The following SP6 variants were observed in gnomAD, a reference collection of about 807,000 sequenced individuals.
SP6 encodes transcription factor Sp6.
SP6 carries 10 observed loss-of-function variants against 23.4 expected under a neutral mutation model. The ratio of observed to expected loss-of-function variants is 0.43; its 90% CI spans 0.26 to 0.72. The LOEUF (loss-of-function observed/expected upper bound fraction) is 0.72, where lower values mean the gene tolerates loss of function less well. Ranked by LOEUF, SP6 falls within the 30% of genes least tolerant of loss-of-function variation. SP6 has a pLI of 0.23. For synonymous variants in SP6, 238 were observed against 238.7 expected, an observed-to-expected ratio of 1.00 and a Z score of 0.03; for missense variants, 482 against 523.8, an observed-to-expected ratio of 0.92 and a Z score of 0.78.
chr17:47,860,871 G>T (rs917310806), upstream of SP6, among the ~76,000 whole-genome samples: 2 of 152,170 alleles, frequency 1.3e-5, no homozygotes, highest in Non-Finnish European at 2.9e-5. Flanking sequence ...AGGAATCCAA[G>T]GTCAGGGGTG....
At chr17:47,852,844 T>C (rs1167909465), upstream of SP6, among the ~76,000 whole-genome samples, 1 of 152,172 alleles carries the variant, frequency 6.6e-6, no homozygotes, top group Non-Finnish European at 1.5e-5. Flanking sequence ...TAGGGTCTCC[T>C]GGGGGCTTAA....
At chr17:47,874,805 A>T in the SP6 span, among the ~76,000 whole-genome samples, 1 of 152,142 alleles carries the variant, frequency 6.6e-6, no homozygotes, top group Non-Finnish European at 1.5e-5. Context: ...CACAGGCTGC[A>T]TCTTTTCCAG....
At chr17:47,861,368 A>C in the SP6 span, among the ~76,000 whole-genome samples, 1 of 152,198 alleles carries the variant, frequency 6.6e-6, no homozygotes, top group Admixed American at 6.5e-5. Context: ...TGGTTCCAAG[A>C]GTCAGCTGAT....
upstream of SP6, among the ~76,000 whole-genome samples, chr17:47,860,504 G>C (rs142849225): frequency 1.1e-3 from 164 of 152,234 alleles, 1 homozygote; most frequent in African/African-American, 3.7e-3. Flanking sequence ...TGTTGCACTG[G>C]ATTGAATTTA....
At chr17:47,869,911 T>C in the SP6 span, among the ~76,000 whole-genome samples, 2 of 152,222 alleles carry the variant, frequency 1.3e-5, no homozygotes, top group Non-Finnish European at 2.9e-5. Context: ...ACATTTACAT[T>C]AAACATTTTT....
Position 47,848,030 on chromosome 17 carries a change from G to C in SP6, c.400C>G (p.His134Asp), listed in dbSNP as rs753837079. Residue 134 changes from histidine to aspartate, a missense_variant, in exon 2 of 2, where the codon CAC (histidine) becomes GAC (aspartate). Physicochemically the swap from His to Asp is moderately conservative, Grantham distance 81. Around this residue, in one of 3 missense-constraint regions of SP6, gnomAD observed 330 missense variants for 332.3 expected, o/e 0.99. Coordinates refer to ENST00000536300, the MANE Select transcript of SP6 (RefSeq NM_001258248.2). The surrounding 1 kb of genome is among the most constrained non-coding windows in gnomAD (Gnocchi z 5.3). ...GGTGAGGTCAGCGCGCCCTGAGTGTGGGGGAGGTCCATCCAGCTGGTGCCC... is the reference window on the plus strand; with the variant it reads ...GGTGAGGTCAGCGCGCCCTGAGTGTCGGGGAGGTCCATCCAGCTGGTGCCC... ...HPGTSWMDLP[H>D]TQGALTSPGH... The C allele has an allele frequency of 8.1e-6, 13 of 1,611,568 alleles. No homozygotes were observed. The Admixed American group carries it at 2.0e-4, about 25-fold the overall frequency.
At chr17:47,861,736 G>A in the SP6 span, among the ~76,000 whole-genome samples, 4 of 151,488 alleles carry the variant, frequency 2.6e-5, no homozygotes, top group East Asian at 2.0e-4. Context: ...GTGAGACTCC[G>A]TCTGGAAAAA....
the SP6 span, among the ~76,000 whole-genome samples, chr17:47,866,134 T>C: frequency 6.6e-6 from 1 of 152,066 alleles, no homozygotes; most frequent in Non-Finnish European, 1.5e-5. Context: ...GGGGGAAATA[T>C]AAAGGTTCCT....
upstream of SP6, among the ~76,000 whole-genome samples, chr17:47,856,809 C>A (rs1402688961): frequency 6.6e-6 from 1 of 151,860 alleles, no homozygotes; most frequent in Non-Finnish European, 1.5e-5. Flanking sequence ...AGCAGTTGTA[C>A]CCCCTCTACA....
the SP6 span, among the ~76,000 whole-genome samples, chr17:47,874,293 A>C: frequency 6.6e-6 from 1 of 151,898 alleles, no homozygotes; most frequent in Non-Finnish European, 1.5e-5. Flanking sequence ...GTTTCATTAT[A>C]TTGCCCAGGC....
At chr17:47,865,665 G>A in the SP6 span, among the ~76,000 whole-genome samples, 2 of 152,126 alleles carry the variant, frequency 1.3e-5, no homozygotes, top group African/African-American at 2.4e-5. Context: ...GGCCAGGATC[G>A]GAGGGTGCCT....
At chr17:47,861,980 G>A in the SP6 span, among the ~76,000 whole-genome samples, 6 of 151,372 alleles carry the variant, frequency 4.0e-5, no homozygotes, top group Non-Finnish European at 7.4e-5. Context: ...AGGAGGTCAA[G>A]GCTGCAGTGA....
chr17:47,858,976 C>T (rs2034017229), upstream of SP6, among the ~76,000 whole-genome samples: 1 of 151,894 alleles, frequency 6.6e-6, no homozygotes, highest in Non-Finnish European at 1.5e-5. Context: ...AGTTTCACCA[C>T]GTTGACCAGT....
chr17:47,876,199 A>C, the SP6 span, among the ~76,000 whole-genome samples: 1 of 152,188 alleles, frequency 6.6e-6, no homozygotes, highest in Admixed American at 6.5e-5. Flanking sequence ...GAAGACCTGG[A>C]GTGAAAAAAG....
upstream of SP6, among the ~76,000 whole-genome samples, chr17:47,855,407 C>T (rs893530482): frequency 8.5e-5 from 13 of 152,148 alleles, no homozygotes; most frequent in South Asian, 8.3e-4. Flanking sequence ...TCCTTTCTCT[C>T]GAAATAAAGT....
the SP6 span, among the ~76,000 whole-genome samples, chr17:47,869,640 C>T: frequency 4.6e-5 from 7 of 152,320 alleles, no homozygotes; most frequent in South Asian, 4.1e-4. Flanking sequence ...ATGATCTCAC[C>T]TACTTGAAGG....
upstream of SP6, among the ~76,000 whole-genome samples, chr17:47,851,612 G>T (rs1352512303): frequency 1.3e-5 from 2 of 152,194 alleles, no homozygotes; most frequent in Non-Finnish European, 2.9e-5. Context: ...GAGGAAAGAA[G>T]GAAACAAGAT....
chr17:47,853,064 T>C (rs530051832), upstream of SP6, among the ~76,000 whole-genome samples: 1 of 152,218 alleles, frequency 6.6e-6, no homozygotes, highest in South Asian at 2.1e-4. Context: ...CCCTGGCAGG[T>C]CAGGTGCCTC....
At chr17:47,853,134 G>A (rs568280773), upstream of SP6, among the ~76,000 whole-genome samples, 5 of 152,352 alleles carry the variant, frequency 3.3e-5, no homozygotes, top group East Asian at 9.6e-4. Flanking sequence ...CTAGAGAAGT[G>A]ACAGGTATTT....
Sources: allele counts gnomAD v4.1 joint callset (sites outside exome capture counted in the v4.1 genomes callset), GRCh38; gene constraint gnomAD v4.1.1; regional missense constraint gnomAD v4.1.1; non-coding constraint Gnocchi (gnomAD v3.1); transcripts MANE v1.5; gene names NCBI Gene and HGNC (gene_info 2026-07-23, HGNC 2026-07-21).